The following IP6K3 variants were observed in gnomAD, a reference collection of about 807,000 sequenced individuals.
IP6K3 encodes inositol hexakisphosphate kinase 3.
Under a neutral mutation model 28.8 loss-of-function variants are expected in IP6K3, and 20 were observed. That is an observed-to-expected ratio of 0.70 (90% CI 0.49 to 1.01). The LOEUF (loss-of-function observed/expected upper bound fraction) is 1.01, where lower values mean the gene tolerates loss of function less well. Ranked by LOEUF, IP6K3 falls within the 50% of genes least tolerant of loss-of-function variation. IP6K3 has a pLI of 0.00. For missense variants in IP6K3, 480 were observed against 537.1 expected, an observed-to-expected ratio of 0.89 and a Z score of 1.05; for synonymous variants, 213 against 221.3, an observed-to-expected ratio of 0.96 and a Z score of 0.33.
chr6:33,735,931 G>A (rs895692875), intron 1 of IP6K3, among the ~76,000 whole-genome samples: 35 of 152,292 alleles, frequency 2.3e-4, no homozygotes, highest in Admixed American at 1.3e-3. Context: ...GCAGTGGCAT[G>A]ATCTTGGCTC....
In IP6K3 at chr6:33,742,452, C is replaced by T. The variant is rs570749; in HGVS notation, c.-180+4306G>A. 0.19 allele frequency among the ~76,000 whole-genome samples: 28,720 copies of T among 152,090 alleles called. 3,011 individuals carry two copies. The highest frequency in any genetic ancestry group is 0.26 in the African/African-American group (10,574 of 41,452). On this transcript the variant is annotated intron_variant, in intron 1 of 5. Coordinates refer to ENST00000293756, the MANE Select transcript of IP6K3 (RefSeq NM_054111.5). This position sits in a 1 kb window ranked among gnomAD's most constrained non-coding sequence, Gnocchi z 4.5. ...GCACCTGACTGGGCAGCAAGAACCG[C>T]ACACCCAGGGGCAGCATGCTGCTGG...
chr6:33,734,667 C>T (rs1204281123), intron 2 of IP6K3, among the ~76,000 whole-genome samples: 1 of 152,238 alleles, frequency 6.6e-6, no homozygotes, highest in African/African-American at 2.4e-5. Flanking sequence ...GGCCAGCAGG[C>T]AGCACCCTCC....
Position 33,746,862 on chromosome 6 carries a change from C to T in IP6K3, c.-284G>A, listed in dbSNP as rs16869458. 16,434 of 152,362 alleles carry T rather than the reference C, an allele frequency of 0.11. 1,134 individuals carry two copies. The highest frequency in any genetic ancestry group is 0.19 in the African/African-American group (8,008 of 41,512). The allele number at this position is 152,362 out of a possible 1,614,324, so 9.4% of individuals were successfully genotyped here. On this transcript the variant is annotated 5_prime_UTR_variant, in exon 1 of 6. Transcript: ENST00000293756. This position sits in a 1 kb window ranked among gnomAD's most constrained non-coding sequence, Gnocchi z 6.5. ...GGCATCAGGCAATGGCCCGTCCCAG[C>T]GTGGAGCATTTGCTGTTCACCAGAG...
intron 2 of IP6K3, among the ~76,000 whole-genome samples, chr6:33,730,983 A>T (rs2127354770): frequency 6.6e-6 from 1 of 152,234 alleles, no homozygotes; most frequent in South Asian, 2.1e-4. Context: ...GAGGGCTGGG[A>T]GCCCAGGCTG....
At chr6:33,729,836 T>C (rs1280632711) in intron 2 of IP6K3, among the ~76,000 whole-genome samples, 2 of 151,934 alleles carry the variant, frequency 1.3e-5, no homozygotes, top group Non-Finnish European at 2.9e-5. Flanking sequence ...GCCTCAGCCT[T>C]CCGAGTAGCT....
At chr6:33,730,926 A>T (rs981142071) in intron 2 of IP6K3, among the ~76,000 whole-genome samples, 2 of 152,104 alleles carry the variant, frequency 1.3e-5, no homozygotes, top group Non-Finnish European at 2.9e-5. Context: ...CATAGGAGAG[A>T]ACAGAGACGC....
At chr6:33,726,532 G>A (rs1032382378) in intron 4 of IP6K3, among the ~76,000 whole-genome samples, 199 bp downstream of exon 4, 32 of 152,210 alleles carry the variant, frequency 2.1e-4, no homozygotes, top group African/African-American at 7.5e-4. Flanking sequence ...CTGTCTAGCT[G>A]TTCTTTTGGA....
At chr6:33,740,045 C>T (rs1216098321) in intron 1 of IP6K3, among the ~76,000 whole-genome samples, 2 of 152,226 alleles carry the variant, frequency 1.3e-5, no homozygotes, top group East Asian at 1.9e-4. Context: ...TGCTGCATGG[C>T]AGGTGAGGTG....
chr6:33,748,642 C>CAA (rs35735336), upstream of IP6K3, among the ~76,000 whole-genome samples: 1,947 of 37,700 alleles, frequency 0.052, 61 homozygotes, highest in East Asian at 0.13. Context: ...ACCCTGTCTC[C>CAA]AAAAAAAAAA....
chr6:33,739,763 C>A (rs1371356653), intron 1 of IP6K3, among the ~76,000 whole-genome samples: 4 of 152,258 alleles, frequency 2.6e-5, no homozygotes, highest in Non-Finnish European at 5.9e-5. Flanking sequence ...TTGATCAACG[C>A]CCTGGGCCTG....
At chr6:33,743,197 G>C (rs1380678880) in intron 1 of IP6K3, among the ~76,000 whole-genome samples, 2 of 152,204 alleles carry the variant, frequency 1.3e-5, no homozygotes, top group African/African-American at 4.8e-5. Flanking sequence ...AAGCCTTCGG[G>C]ACCACATCCC....
At chr6:33,741,892 G>A (rs779446518) in intron 1 of IP6K3, among the ~76,000 whole-genome samples, 26 of 149,252 alleles carry the variant, frequency 1.7e-4, no homozygotes, top group African/African-American at 5.9e-4. Flanking sequence ...CGGAGGTTGC[G>A]GTGAGCCAAG....
intron 1 of IP6K3, among the ~76,000 whole-genome samples, chr6:33,741,439 C>G (rs1057107934): frequency 4.6e-5 from 7 of 151,722 alleles, no homozygotes; most frequent in Non-Finnish European, 8.8e-5. Flanking sequence ...GCCAGGAGTT[C>G]GAGACTAGCC....
intron 1 of IP6K3, among the ~76,000 whole-genome samples, chr6:33,738,697 C>T (rs143246546): frequency 2.1e-3 from 322 of 152,256 alleles, no homozygotes; most frequent in African/African-American, 7.5e-3. Context: ...CCAGAGTGTG[C>T]GTCCCGGCCA....
rs542722995 is a variant in IP6K3 at position 33,742,312 on chromosome 6, C to T, written c.-180+4446G>A. ...TTGCTCTGGCTGTCTCTGGGAGTCTCGGAGACCCAGGACCAAGACCCAAGT... is the reference window on the plus strand; with the variant it reads ...TTGCTCTGGCTGTCTCTGGGAGTCTTGGAGACCCAGGACCAAGACCCAAGT... On this transcript the variant is annotated intron_variant, in intron 1 of 5. Coordinates refer to ENST00000293756, the MANE Select transcript of IP6K3 (RefSeq NM_054111.5). The surrounding 1 kb of genome is among the most constrained non-coding windows in gnomAD (Gnocchi z 4.5). Among the ~76,000 whole-genome samples the T allele has an allele frequency of 2.0e-5, 3 of 152,254 alleles. No individual in the cohort carries two copies. Among genetic ancestry groups the T allele is most frequent in the African/African-American group, 7.2e-5 (3 of 41,556 alleles).
chr6:33,725,663 G>A, intron 4 of IP6K3, 47 bp from the exon 5 acceptor site: 1 of 1,558,316 alleles, frequency 6.4e-7, no homozygotes, highest in Non-Finnish European at 8.8e-7. Context: ...CAGAACTGCT[G>A]CTCCGCCAGA....
At chr6:33,740,431 A>C (rs986944523) in intron 1 of IP6K3, among the ~76,000 whole-genome samples, 4 of 152,178 alleles carry the variant, frequency 2.6e-5, no homozygotes, top group Admixed American at 6.5e-5. Context: ...CTGGTTGTTA[A>C]ATGAGGCCCT....
intron 2 of IP6K3, among the ~76,000 whole-genome samples, chr6:33,734,184 CAA>C (rs1024318756): frequency 2.1e-4 from 26 of 123,836 alleles, no homozygotes; most frequent in Non-Finnish European, 3.5e-4. Context: ...GCCTGGGCAA[CAA>C]GACCGAAACT....
intron 2 of IP6K3, among the ~76,000 whole-genome samples, chr6:33,730,566 G>T (rs531256965): frequency 1.3e-5 from 2 of 152,300 alleles, no homozygotes; most frequent in South Asian, 4.1e-4. Context: ...TGTCCTGCTC[G>T]TGAGACAGGG....
Sources: allele counts gnomAD v4.1 joint callset (sites outside exome capture counted in the v4.1 genomes callset), GRCh38; gene constraint gnomAD v4.1.1; non-coding constraint Gnocchi (gnomAD v3.1); transcripts MANE v1.5; gene names NCBI Gene and HGNC (gene_info 2026-07-23, HGNC 2026-07-21).